The following CSMD1 variants were observed in gnomAD, a reference collection of about 807,000 sequenced individuals.
CSMD1 encodes the protein CUB and Sushi multiple domains 1.
Under a neutral mutation model 417.5 loss-of-function variants are expected in CSMD1, and 213 were observed. The ratio of observed to expected loss-of-function variants is 0.51; its 90% CI spans 0.46 to 0.57. The LOEUF is 0.57. Ranked by LOEUF, CSMD1 falls within the 20% of genes least tolerant of loss-of-function variation. CSMD1 has a pLI of 0.00. For synonymous variants in CSMD1, 2,862 were observed against 1,736.8 expected (o/e 1.65, Z -16.11); for missense variants, 6,923 against 4,529.7 (o/e 1.53, Z -15.17).
chr8:3,771,041 T>C (rs1431025855), intron 5 of CSMD1, among the ~76,000 whole-genome samples: 14 of 144,554 alleles, frequency 9.7e-5, no homozygotes, highest in African/African-American at 2.5e-4. Flanking sequence ...TGCGTGCGTG[T>C]GTGTGTTTCA....
intron 1 of CSMD1, among the ~76,000 whole-genome samples, chr8:4,708,674 A>ATT (rs11427571): frequency 4.1e-5 from 6 of 147,854 alleles, no homozygotes; most frequent in East Asian, 4.0e-4. Flanking sequence ...AACCAGATTC[A>ATT]TTTTTTTTTT....
chr8:4,806,255 G>A (rs1160675156), intron 1 of CSMD1, among the ~76,000 whole-genome samples: 1 of 152,184 alleles, frequency 6.6e-6, no homozygotes, highest in Admixed American at 6.5e-5. Context: ...ATCATGCAGT[G>A]TGCACATGCT....
At chr8:4,434,990 T>G (rs1035347445) in intron 2 of CSMD1, among the ~76,000 whole-genome samples, 1 of 152,238 alleles carries the variant, frequency 6.6e-6, no homozygotes, top group Non-Finnish European at 1.5e-5. Flanking sequence ...ACTCATATTT[T>G]GCATACTTTT....
intron 3 of CSMD1, among the ~76,000 whole-genome samples, chr8:4,045,217 G>T (rs747611075): frequency 6.6e-6 from 1 of 152,168 alleles, no homozygotes; most frequent in Non-Finnish European, 1.5e-5. Context: ...CAATGTGGGC[G>T]ACAGTTGTCC....
chr8:3,284,381 G>A (rs774105179), intron 25 of CSMD1, 35 bp from the exon 26 acceptor site: 2 of 1,513,740 alleles, frequency 1.3e-6, no homozygotes, highest in East Asian at 2.3e-5. Flanking sequence ...TACTTGCCGT[G>A]CATCGAGCAT....
chr8:4,134,852 C>T (rs1803321808), intron 3 of CSMD1, among the ~76,000 whole-genome samples: 1 of 152,162 alleles, frequency 6.6e-6, no homozygotes, highest in African/African-American at 2.4e-5. Context: ...CGTTTGATAG[C>T]TTCCAATTGC....
intron 9 of CSMD1, among the ~76,000 whole-genome samples, chr8:3,581,727 G>T (rs1800391087): frequency 6.6e-6 from 1 of 152,158 alleles, no homozygotes; most frequent in Non-Finnish European, 1.5e-5. Context: ...ATATGTGGCA[G>T]AAACGATCAT....
chr8:3,724,625 C>T (rs1353486865), intron 6 of CSMD1, among the ~76,000 whole-genome samples: 2 of 152,052 alleles, frequency 1.3e-5, no homozygotes, highest in Non-Finnish European at 2.9e-5. Flanking sequence ...GGGTCACTCC[C>T]AGTATGCAGG....
chr8:3,439,033 G>A lies in CSMD1; in HGVS notation c.1562-29428C>T, dbSNP rs766198930. Among the ~76,000 whole-genome samples, 74 of 136,108 alleles carry A rather than the reference G, an allele frequency of 5.4e-4. 1 individual carries two copies. Among genetic ancestry groups the A allele is most frequent in the Admixed American group, 1.6e-3 (19 of 11,828 alleles). 89.3% of individuals were successfully genotyped at this position (136,108 alleles called of 152,430 possible). On this transcript the variant is annotated intron_variant, in intron 12 of 69. Transcript: ENST00000635120. ...GCTACCCAGGAGGCTGAGGCAGGGA[G>A]AATTGCTTCAATCTGGGAGGTGGAG...
intron 4 of CSMD1, among the ~76,000 whole-genome samples, chr8:4,000,400 C>G (rs1349160060): frequency 6.6e-6 from 1 of 152,096 alleles, no homozygotes; most frequent in African/African-American, 2.4e-5. Context: ...TATTTTTGAA[C>G]AGAGATAAAA....
intron 2 of CSMD1, among the ~76,000 whole-genome samples, chr8:4,457,966 A>G (rs988415202): frequency 6.6e-6 from 1 of 152,034 alleles, no homozygotes; most frequent in African/African-American, 2.4e-5. Context: ...ACCCAGATGT[A>G]CTTCTTTGGT....
chr8:4,241,574 G>A (rs939723285), intron 3 of CSMD1, among the ~76,000 whole-genome samples: 1 of 152,144 alleles, frequency 6.6e-6, no homozygotes, highest in Non-Finnish European at 1.5e-5. Flanking sequence ...GATGGACACA[G>A]CGGACCCTAA....
intron 3 of CSMD1, among the ~76,000 whole-genome samples, chr8:4,054,389 C>T (rs996661210): frequency 3.3e-5 from 5 of 152,194 alleles, no homozygotes; most frequent in East Asian, 1.9e-4. Context: ...GATGGCCGCC[C>T]GAGCCATCTA....
At chr8:3,817,423 G>C (rs1333755866) in intron 5 of CSMD1, among the ~76,000 whole-genome samples, 2 of 151,546 alleles carry the variant, frequency 1.3e-5, no homozygotes, top group African/African-American at 4.8e-5. Flanking sequence ...TGGGACTATA[G>C]GCGTGCGCCA....
chr8:3,906,713 C>A (rs577069165), intron 5 of CSMD1, among the ~76,000 whole-genome samples: 53 of 151,562 alleles, frequency 3.5e-4, no homozygotes, highest in African/African-American at 1.2e-3. Flanking sequence ...TGAATTCATT[C>A]ACTGGCTGAT....
chr8:3,141,578 C>A (rs1166827051), intron 41 of CSMD1, among the ~76,000 whole-genome samples: 1 of 152,130 alleles, frequency 6.6e-6, no homozygotes, highest in Non-Finnish European at 1.5e-5. Context: ...GGGATCACAT[C>A]ACTATTGTAA....
intron 11 of CSMD1, among the ~76,000 whole-genome samples, chr8:3,469,885 T>C (rs1439300316): frequency 6.6e-6 from 1 of 152,256 alleles, no homozygotes; most frequent in African/African-American, 2.4e-5. Flanking sequence ...TATGTATTTC[T>C]TTCTGAAGAT....
At chr8:4,751,745 G>A (rs1041361409) in intron 1 of CSMD1, among the ~76,000 whole-genome samples, 2 of 152,264 alleles carry the variant, frequency 1.3e-5, no homozygotes, top group East Asian at 1.9e-4. Context: ...GTGGAGTTAG[G>A]AGCTTGGTGT....
At position 3,270,105 on chromosome 8, in the gene CSMD1, A is replaced by G. The variant is rs571145117; in HGVS notation, c.4153+14039T>C. The stretch of plus-strand genomic sequence containing the variant: ...TGCTCTGTTGCCCAGGGCGAAGTAC[A>G]GTGGCACTGTCTTGGCCCACTGCAA... On this transcript the variant is annotated intron_variant, in intron 26 of 69. Coordinates refer to ENST00000635120, the MANE Select transcript of CSMD1 (RefSeq NM_033225.6). Among the ~76,000 whole-genome samples, 3 of 135,128 alleles carry G rather than the reference A, an allele frequency of 2.2e-5. No individual in the cohort carries two copies. The South Asian group carries it at 7.4e-4, about 33-fold the overall frequency. 88.6% of individuals were successfully genotyped at this position (135,128 alleles called of 152,430 possible).
Sources: gnomAD v4.1 joint callset for allele counts (sites outside exome capture counted in the v4.1 genomes callset) on GRCh38, gnomAD v4.1.1 for gene constraint, MANE v1.5 for transcripts, NCBI Gene and HGNC (gene_info 2026-07-23, HGNC 2026-07-21) for gene names.